Variants in WNT8A observed in about 807,000 individuals in gnomAD.
The protein encoded by WNT8A is Wnt family member 8A.
A neutral mutation model predicts 20.5 loss-of-function variants in WNT8A; 14 were observed. The ratio of observed to expected loss-of-function variants is 0.68; its 90% CI spans 0.45 to 1.07. The LOEUF is 1.07. Ranked by LOEUF, WNT8A falls within the 50% of genes least tolerant of loss-of-function variation. The probability of loss-of-function intolerance (pLI) is 0.00; values close to 1 mark genes in which losing one functional copy is unlikely to be tolerated. For missense variants in WNT8A, 397 were observed against 462.9 expected (o/e 0.86, Z 1.31); for synonymous variants, 167 against 169.2 (o/e 0.99, Z 0.10).
upstream of WNT8A, among the ~76,000 whole-genome samples, chr5:138,082,981 T>C (rs1750548281): frequency 6.6e-6 from 1 of 151,702 alleles, no homozygotes; most frequent in South Asian, 2.1e-4. Flanking sequence ...CAAAGTAGTA[T>C]CAGAAAGAAA....
intron 3 of WNT8A, among the ~76,000 whole-genome samples, chr5:138,088,265 C>T (rs1750735130): frequency 6.6e-6 from 1 of 152,124 alleles, no homozygotes; most frequent in Non-Finnish European, 1.5e-5. Context: ...AAGACACTTA[C>T]TCAGATTTAT....
At chr5:138,091,550 C>T, downstream of WNT8A, 1 of 1,258,584 alleles carries the variant, frequency 7.9e-7, no homozygotes, top group Non-Finnish European at 1.0e-6. Flanking sequence ...AGGTAAAGAC[C>T]ACATATCTGC....
upstream of WNT8A, among the ~76,000 whole-genome samples, chr5:138,080,346 C>G (rs1296972778): frequency 6.9e-6 from 1 of 145,614 alleles, no homozygotes; most frequent in Non-Finnish European, 1.5e-5. Flanking sequence ...AAAAACCGCA[C>G]ACACAAACAA....
chr5:138,079,340 T>C (rs905689522), upstream of WNT8A, among the ~76,000 whole-genome samples: 5 of 141,620 alleles, frequency 3.5e-5, no homozygotes, highest in Non-Finnish European at 7.9e-5. Flanking sequence ...ATATAATAAT[T>C]ATATAATAAT....
chr5:138,080,752 T>C (rs1378911839), upstream of WNT8A, among the ~76,000 whole-genome samples: 1 of 152,024 alleles, frequency 6.6e-6, no homozygotes, highest in African/African-American at 2.4e-5. Context: ...AGATGTGAGC[T>C]ACCATGCCCA....
In WNT8A at chr5:138,088,922, T is replaced by C. The variant is rs1370848171; in HGVS notation, c.422-5T>C. ...ACGGAGAACTTATTCTGTCCTTGTA[T>C]ATAGGAGGCCATGGCTGGATCTGGG... On this transcript the variant is annotated splice_region_variant and splice_polypyrimidine_tract_variant and intron_variant, in intron 3 of 4. Coordinates refer to ENST00000506684, the MANE Select transcript of WNT8A (RefSeq NM_001300939.2). 3 of 1,613,482 alleles carry C rather than the reference T, an allele frequency of 1.9e-6. No individual in the cohort carries two copies. The highest frequency in any genetic ancestry group is 2.5e-6 in the Non-Finnish European group (3 of 1,179,776).
At chr5:138,081,887 G>C (rs775622557), upstream of WNT8A, among the ~76,000 whole-genome samples, 3 of 152,112 alleles carry the variant, frequency 2.0e-5, no homozygotes, top group Admixed American at 2.0e-4. Flanking sequence ...ATGTCAGAAG[G>C]ACAACAGTCA....
intron 4 of WNT8A, 41 bp downstream of exon 4, chr5:138,089,110 A>G: frequency 1.9e-6 from 3 of 1,598,322 alleles, no homozygotes; most frequent in Non-Finnish European, 8.5e-7. Flanking sequence ...ACAGCTTCAC[A>G]TCTGCCCGGC....
chr5:138,088,132 C>A (rs551765510), intron 3 of WNT8A, among the ~76,000 whole-genome samples: 1 of 152,214 alleles, frequency 6.6e-6, no homozygotes, highest in East Asian at 1.9e-4. Context: ...TAGCAAGTAG[C>A]TCTAAAAGCA....
chr5:138,084,118 C>G lies in WNT8A; in HGVS notation c.-10C>G, dbSNP rs1259195841. The G allele has an allele frequency of 6.2e-7, 1 of 1,614,140 alleles. No homozygotes were observed. Among genetic ancestry groups the G allele is most frequent in the South Asian group, 1.1e-5 (1 of 91,072 alleles). ...GGGAACCTGTTTATGCTCTGGGCAG[C>G]TCTGGGCATATGCTGTGCTGCATTC... is the stretch of plus-strand genomic sequence containing the variant. On this transcript the variant is annotated 5_prime_UTR_variant, in exon 1 of 5. Transcript: ENST00000506684.
intron 3 of WNT8A, among the ~76,000 whole-genome samples, chr5:138,088,409 T>G (rs1451559737): frequency 1.4e-5 from 2 of 147,232 alleles, no homozygotes; most frequent in African/African-American, 5.1e-5. Flanking sequence ...TAGGCTGGAG[T>G]GCAGTGGCGC....
upstream of WNT8A, among the ~76,000 whole-genome samples, chr5:138,079,341 AT>A (rs201475218): frequency 0.018 from 2,624 of 146,980 alleles, 40 homozygotes; most frequent in Non-Finnish European, 0.028. Context: ...TATAATAATT[AT>A]ATAATAATTA....
intron 4 of WNT8A, 139 bp downstream of exon 4, chr5:138,089,208 AC>A: frequency 7.6e-7 from 1 of 1,308,292 alleles, no homozygotes; most frequent in Non-Finnish European, 1.0e-6. Context: ...TCTCTGGATG[AC>A]AAAACCAATT....
chr5:138,084,621 A>C lies in WNT8A; in HGVS notation c.280A>C (p.Asn94His). The C allele has an allele frequency of 6.2e-7, 1 of 1,610,132 alleles. No homozygotes were observed. The highest frequency in any genetic ancestry group is 8.5e-7 in the Non-Finnish European group (1 of 1,177,868). Residue 94 changes from asparagine (N) to histidine (H), a missense_variant, in exon 2 of 5, where the codon AAC becomes CAC. Asn to His is a moderately conservative substitution (Grantham distance 68). Transcript: ENST00000506684. ...AAATGCTCTTCAGCTCTCCACCCACAACAGGCTGAGAAGTGGTAAGTTTGT... is the reference window on the plus strand; with the variant it reads ...AAATGCTCTTCAGCTCTCCACCCACCACAGGCTGAGAAGTGGTAAGTTTGT... ...PENALQLSTH[N>H]RLRSATRETS...
chr5:138,082,666 T>C (rs529694032), upstream of WNT8A, among the ~76,000 whole-genome samples: 1 of 151,508 alleles, frequency 6.6e-6, no homozygotes, highest in African/African-American at 2.4e-5. Flanking sequence ...GATCACGAGA[T>C]TAAGAGATCG....
intron 2 of WNT8A, 34 bp from the exon 3 acceptor site, chr5:138,087,772 A>G (rs773667563): frequency 1.2e-6 from 2 of 1,605,272 alleles, no homozygotes; most frequent in Admixed American, 1.7e-5. Flanking sequence ...ATCAGGGTCC[A>G]GGTTTCCAGT....
upstream of WNT8A, among the ~76,000 whole-genome samples, chr5:138,079,113 G>A (rs995355913): frequency 3.3e-5 from 5 of 151,822 alleles, no homozygotes; most frequent in African/African-American, 9.7e-5. Context: ...ACAATTATTG[G>A]GTGTTAAATT....
upstream of WNT8A, among the ~76,000 whole-genome samples, chr5:138,079,471 T>A (rs771995776): frequency 9.2e-5 from 14 of 151,884 alleles, no homozygotes; most frequent in African/African-American, 3.4e-4. Flanking sequence ...ACCCATTATA[T>A]CTATATGACA....
chr5:138,086,830 T>C (rs1175762424), intron 2 of WNT8A, among the ~76,000 whole-genome samples: 1 of 145,538 alleles, frequency 6.9e-6, no homozygotes, highest in Non-Finnish European at 1.5e-5. Context: ...AGCCCAGGAG[T>C]TCTAGACCAC....
Sources: allele counts gnomAD v4.1 joint callset (sites outside exome capture counted in the v4.1 genomes callset), GRCh38; gene constraint gnomAD v4.1.1; transcripts MANE v1.5; gene names NCBI Gene and HGNC (gene_info 2026-07-23, HGNC 2026-07-21).